Variants in ARHGAP26 observed in about 807,000 individuals in gnomAD.
The protein encoded by ARHGAP26 is rho GTPase-activating protein 26.
In ARHGAP26, 38 loss-of-function variants were observed where a neutral mutation model predicts 104.8. The observed-to-expected ratio is 0.36, with a 90% confidence interval of 0.28 to 0.48. ARHGAP26 has a LOEUF of 0.48. Ranked by LOEUF, ARHGAP26 falls within the 20% of genes least tolerant of loss-of-function variation. The pLI is 0.99. For synonymous variants in ARHGAP26, 341 were observed against 340.0 expected, an observed-to-expected ratio of 1.00 and a Z score of -0.03; for missense variants, 704 against 947.9, an observed-to-expected ratio of 0.74 and a Z score of 3.38.
At chr5:142,971,919 C>A (rs979718029) in intron 11 of ARHGAP26, among the ~76,000 whole-genome samples, 2 of 152,262 alleles carry the variant, frequency 1.3e-5, no homozygotes, top group Middle Eastern at 3.4e-3. Context: ...CGGTGGCTCA[C>A]GCCTATAATC....
chr5:143,069,473 G>A (rs1787951488), intron 17 of ARHGAP26, among the ~76,000 whole-genome samples: 1 of 152,166 alleles, frequency 6.6e-6, no homozygotes, highest in Non-Finnish European at 1.5e-5. Flanking sequence ...ATCTGCTGCA[G>A]GTTAACATTC....
At chr5:143,159,520 G>A (rs1800931587) in intron 20 of ARHGAP26, among the ~76,000 whole-genome samples, 1 of 152,208 alleles carries the variant, frequency 6.6e-6, no homozygotes, top group South Asian at 2.1e-4. Context: ...GCAGGACAGT[G>A]TGCAGCTGTG....
intron 22 of ARHGAP26, among the ~76,000 whole-genome samples, chr5:143,220,654 G>C (rs1328257565): frequency 1.3e-5 from 2 of 152,206 alleles, no homozygotes; most frequent in African/African-American, 4.8e-5. Flanking sequence ...TTCTCTCCCA[G>C]ACTGTCTCTT....
intron 1 of ARHGAP26, among the ~76,000 whole-genome samples, chr5:142,777,535 T>C (rs1368973054): frequency 6.6e-6 from 1 of 152,244 alleles, no homozygotes; most frequent in Admixed American, 6.5e-5. Flanking sequence ...AAGTAGTTTT[T>C]CTAGATTTAA....
In ARHGAP26 at chr5:143,227,179, A is replaced by G. The variant is rs1599600105; in HGVS notation, c.*4733A>G. 1 of 230,242 alleles carries G rather than the reference A, an allele frequency of 4.3e-6. No homozygotes were observed. The highest frequency in any genetic ancestry group is 8.6e-6 in the Non-Finnish European group (1 of 116,218). The allele number at this position is 230,242 out of a possible 1,614,324, so 14.3% of individuals were successfully genotyped here. On this transcript the variant is annotated 3_prime_UTR_variant, in exon 23 of 23. Coordinates refer to ENST00000645722, the MANE Select transcript of ARHGAP26 (RefSeq NM_001135608.3). ...ACTCCCGGAGACAGCAGTGGCCACCATGGCACCCAGAGTTTGCCCAAGTAC... is the reference window on the plus strand; with the variant it reads ...ACTCCCGGAGACAGCAGTGGCCACCGTGGCACCCAGAGTTTGCCCAAGTAC...
chr5:143,092,170 G>T lies in ARHGAP26; in HGVS notation c.1539-28818G>T, dbSNP rs796268880. On this transcript the variant is annotated intron_variant, in intron 17 of 22. Transcript: ENST00000645722. ...CAAACATCCCTTTGTTTTTTTTTTT[G>T]TTTTTTTTTTTTTGAGATGGAGTCT... Among the ~76,000 whole-genome samples, 576 of 130,808 alleles carry T rather than the reference G, an allele frequency of 4.4e-3. 2 individuals are homozygous for T. The highest frequency in any genetic ancestry group is 4.1e-3 in the Non-Finnish European group (263 of 64,688). 85.8% of individuals were successfully genotyped at this position (130,808 alleles called of 152,430 possible).
intron 16 of ARHGAP26, among the ~76,000 whole-genome samples, chr5:143,056,316 C>CG (rs1785798332): frequency 1.2e-5 from 1 of 80,070 alleles, no homozygotes; most frequent in Non-Finnish European, 2.4e-5. Flanking sequence ...CTTCAGAAGT[C>CG]TTTTTTTTTT....
At chr5:142,909,816 A>G (rs555451356) in intron 9 of ARHGAP26, among the ~76,000 whole-genome samples, 70 of 152,310 alleles carry the variant, frequency 4.6e-4, no homozygotes, top group Non-Finnish European at 9.4e-4. Context: ...CAGCTTCACC[A>G]AATTGTTCTC....
rs1227757944 is a variant in ARHGAP26 at position 143,227,167 on chromosome 5, G to A, written c.*4721G>A. 2.6e-5 allele frequency: 6 copies of A among 230,124 alleles called. No individual in the cohort carries two copies. The highest frequency in any genetic ancestry group is 4.3e-5 in the Non-Finnish European group (5 of 116,230). 14.3% of individuals were successfully genotyped at this position (230,124 alleles called of 1,614,324 possible). On this transcript the variant is annotated 3_prime_UTR_variant, in exon 23 of 23. Coordinates refer to ENST00000645722, the MANE Select transcript of ARHGAP26 (RefSeq NM_001135608.3). ...TGTGGACATGGCACTCCCGGAGACA[G>A]CAGTGGCCACCATGGCACCCAGAGT...
chr5:143,038,681 G>A (rs1033778928), intron 13 of ARHGAP26, among the ~76,000 whole-genome samples: 4 of 133,598 alleles, frequency 3.0e-5, no homozygotes, highest in Non-Finnish European at 4.7e-5. Context: ...TTTGACATAC[G>A]GCCTTTTTTT....
chr5:142,954,060 G>T (rs1358668691), intron 11 of ARHGAP26, among the ~76,000 whole-genome samples: 3 of 152,182 alleles, frequency 2.0e-5, no homozygotes, highest in East Asian at 1.9e-4. Context: ...CTGAGCAAAG[G>T]CGTTTTTAAG....
At chr5:143,154,853 T>TA (rs1336679078) in intron 20 of ARHGAP26, among the ~76,000 whole-genome samples, 7 of 149,232 alleles carry the variant, frequency 4.7e-5, no homozygotes, top group Non-Finnish European at 8.9e-5. Flanking sequence ...ATTCATAGCA[T>TA]TTTTTTTTTT....
intron 11 of ARHGAP26, among the ~76,000 whole-genome samples, chr5:142,961,422 G>A (rs985883224): frequency 2.6e-5 from 4 of 152,258 alleles, no homozygotes; most frequent in Admixed American, 6.5e-5. Flanking sequence ...AGGTTGGGAG[G>A]TGGAGGGTGC....
In ARHGAP26 at chr5:143,112,483, A is replaced by G. The variant is rs368207983; in HGVS notation, c.1539-8505A>G. Among the ~76,000 whole-genome samples, 114 of 151,962 alleles carry G rather than the reference A, an allele frequency of 7.5e-4. 3 individuals are homozygous for G. The highest frequency in any genetic ancestry group is 2.7e-3 in the African/African-American group (112 of 41,228). On this transcript the variant is annotated intron_variant, in intron 17 of 22. Transcript: ENST00000645722. ...TTGTTGTTACTGTAAAATACATATAATGTAAACTTTACTACCTTGACTATT... is the reference window on the plus strand; with the variant it reads ...TTGTTGTTACTGTAAAATACATATAGTGTAAACTTTACTACCTTGACTATT...
chr5:142,922,833 C>T (rs752133213), intron 10 of ARHGAP26, among the ~76,000 whole-genome samples: 2 of 152,178 alleles, frequency 1.3e-5, no homozygotes, highest in African/African-American at 2.4e-5. Context: ...CTCCCCTTCT[C>T]ACCCCTTGTT....
At chr5:142,869,842 AAAG>A (rs1561986592) in intron 1 of ARHGAP26, among the ~76,000 whole-genome samples, 2 of 152,316 alleles carry the variant, frequency 1.3e-5, no homozygotes, top group African/African-American at 4.8e-5. Context: ...ATCTCCAAGA[AAAG>A]AAGGGCACTT....
intron 12 of ARHGAP26, among the ~76,000 whole-genome samples, chr5:143,035,552 G>T (rs1037638610): frequency 1.3e-5 from 2 of 152,096 alleles, no homozygotes; most frequent in Non-Finnish European, 2.9e-5. Context: ...GGATGGGAAG[G>T]GGGTGAGGGA....
intron 10 of ARHGAP26, among the ~76,000 whole-genome samples, chr5:142,924,665 A>G (rs944302239): frequency 6.6e-6 from 1 of 152,226 alleles, no homozygotes; most frequent in African/African-American, 2.4e-5. Context: ...ATCATGGCAT[A>G]TTATTAATTC....
chr5:142,866,180 T>A (rs1754250469), intron 1 of ARHGAP26, among the ~76,000 whole-genome samples: 1 of 152,218 alleles, frequency 6.6e-6, no homozygotes, highest in Non-Finnish European at 1.5e-5. Flanking sequence ...GATTAGGCCC[T>A]TCTAAAAATT....
Sources: gnomAD v4.1 joint callset for allele counts (sites outside exome capture counted in the v4.1 genomes callset) on GRCh38, gnomAD v4.1.1 for gene constraint, MANE v1.5 for transcripts, NCBI Gene and HGNC (gene_info 2026-07-23, HGNC 2026-07-21) for gene names.